SEMA3E: variants seen among roughly 807,000 people sequenced by gnomAD.
The protein encoded by SEMA3E is semaphorin-3E.
SEMA3E carries 49 observed loss-of-function variants against 93.6 expected under a neutral mutation model. The observed-to-expected ratio is 0.52, with a 90% confidence interval of 0.42 to 0.66. The LOEUF (loss-of-function observed/expected upper bound fraction) is 0.66. Among genes scored for constraint, SEMA3E ranks in the 30% least tolerant of loss-of-function variants. The pLI is 0.00. For synonymous variants in SEMA3E, 363 were observed against 330.7 expected (o/e 1.10, Z -1.06); for missense variants, 906 against 964.8 (o/e 0.94, Z 0.81).
Position 83,648,539 on chromosome 7 carries a change from C to T in SEMA3E, c.4G>A (p.Ala2Thr). The T allele has an allele frequency of 6.2e-7, 1 of 1,612,364 alleles. No individual in the cohort carries two copies. The highest frequency in any genetic ancestry group is 8.5e-7 in the Non-Finnish European group (1 of 1,178,788). ...AAGGTGATAATGTGCCCCGCGGATG[C>T]CATGCTGCCGTGTTCACCGTCCAAG... MASAGHIITLLL... is the reference protein window; with the variant it reads MTSAGHIITLLL... Residue 2 changes from alanine (A) to threonine (T), a missense_variant, in exon 1 of 17, where the codon GCA (alanine) becomes ACA (threonine). Physicochemically the swap from Ala to Thr is moderately conservative, Grantham distance 58. Coordinates refer to ENST00000643230, the MANE Select transcript of SEMA3E (RefSeq NM_012431.3).
intron 14 of SEMA3E, among the ~76,000 whole-genome samples, chr7:83,388,461 G>A (rs1787928875): frequency 6.6e-6 from 1 of 151,372 alleles, no homozygotes; most frequent in South Asian, 2.1e-4. Flanking sequence ...CTAAAATCAA[G>A]AACTCTGGCA....
chr7:83,535,138 A>C (rs544348218), intron 1 of SEMA3E, among the ~76,000 whole-genome samples: 1 of 152,288 alleles, frequency 6.6e-6, no homozygotes, highest in South Asian at 2.1e-4. Context: ...TTGAGTGTGA[A>C]TCTGCTGGAA....
intron 4 of SEMA3E, among the ~76,000 whole-genome samples, chr7:83,448,811 G>C (rs781378698): frequency 7.9e-5 from 12 of 152,104 alleles, no homozygotes; most frequent in Admixed American, 2.0e-4. Flanking sequence ...AATGTGAAAA[G>C]TGATGAACTA....
Position 83,551,938 on chromosome 7 carries a change from G to A in SEMA3E, c.116-61664C>T, listed in dbSNP as rs186797260. ...AACCTCAGTGTTGCCACTATTAGAC[G>A]CACTCTAACATCTACACATTATATT... On this transcript the variant is annotated intron_variant, in intron 1 of 16. Transcript: ENST00000643230. 7.6e-4 allele frequency among the ~76,000 whole-genome samples: 116 copies of A among 152,010 alleles called. 1 individual carries two copies. Among genetic ancestry groups the A allele is most frequent in the Non-Finnish European group, 1.4e-3 (92 of 67,974 alleles).
chr7:83,621,631 G>A (rs971364331), intron 1 of SEMA3E, among the ~76,000 whole-genome samples: 5 of 152,132 alleles, frequency 3.3e-5, no homozygotes, highest in African/African-American at 7.2e-5. Flanking sequence ...CATGGTACTG[G>A]TACAAAAACA....
At chr7:83,607,727 G>A (rs1793156825) in intron 1 of SEMA3E, among the ~76,000 whole-genome samples, 1 of 152,104 alleles carries the variant, frequency 6.6e-6, no homozygotes, top group Non-Finnish European at 1.5e-5. Flanking sequence ...GAGAAGGAAG[G>A]AAGACAAAAG....
At chr7:83,537,741 A>G (rs544338692) in intron 1 of SEMA3E, among the ~76,000 whole-genome samples, 87 of 152,318 alleles carry the variant, frequency 5.7e-4, no homozygotes, top group Middle Eastern at 6.8e-3. Flanking sequence ...ACAATTAAAT[A>G]GTTTTCAGTA....
intron 12 of SEMA3E, among the ~76,000 whole-genome samples, 157 bp downstream of exon 12, chr7:83,396,481 A>G (rs906761185): frequency 6.6e-6 from 1 of 152,264 alleles, no homozygotes; most frequent in East Asian, 1.9e-4. Flanking sequence ...ACAATCAAAC[A>G]GATGCATTAG....
At chr7:83,587,018 A>G (rs1209939643) in intron 1 of SEMA3E, among the ~76,000 whole-genome samples, 1 of 152,168 alleles carries the variant, frequency 6.6e-6, no homozygotes, top group Non-Finnish European at 1.5e-5. Context: ...TAGAATAGAT[A>G]TATATCTGAG....
intron 1 of SEMA3E, among the ~76,000 whole-genome samples, chr7:83,496,685 T>C (rs1790497077): frequency 6.6e-6 from 1 of 152,100 alleles, no homozygotes; most frequent in Non-Finnish European, 1.5e-5. Flanking sequence ...CCTTAAGAAT[T>C]TTTCCTTTCT....
chr7:83,569,762 A>T (rs1317811277), intron 1 of SEMA3E, among the ~76,000 whole-genome samples: 1 of 152,230 alleles, frequency 6.6e-6, no homozygotes, highest in Non-Finnish European at 1.5e-5. Context: ...TGACAGCCAC[A>T]CAATAATAGT....
chr7:83,509,321 A>G (rs376937995), intron 1 of SEMA3E, among the ~76,000 whole-genome samples: 123 of 152,314 alleles, frequency 8.1e-4, no homozygotes, highest in Middle Eastern at 6.8e-3. Flanking sequence ...ATGAAGGTTG[A>G]TCCAAATGCA....
intron 4 of SEMA3E, among the ~76,000 whole-genome samples, chr7:83,441,824 C>T (rs1398607778): frequency 6.6e-6 from 1 of 152,118 alleles, no homozygotes; most frequent in Non-Finnish European, 1.5e-5. Flanking sequence ...GTTTGGATTG[C>T]GTCCTTCCAG....
At chr7:83,451,709 T>C (rs1431260307) in intron 4 of SEMA3E, among the ~76,000 whole-genome samples, 1 of 152,222 alleles carries the variant, frequency 6.6e-6, no homozygotes, top group Non-Finnish European at 1.5e-5. Flanking sequence ...TCCAACTACT[T>C]AGCACCAACT....
chr7:83,625,533 T>G (rs1328604683), intron 1 of SEMA3E, among the ~76,000 whole-genome samples: 1 of 152,126 alleles, frequency 6.6e-6, no homozygotes, highest in Non-Finnish European at 1.5e-5. Context: ...ATAGGAATGT[T>G]TGTGATTTTT....
chr7:83,566,169 T>C (rs1792149166), intron 1 of SEMA3E, among the ~76,000 whole-genome samples: 1 of 151,244 alleles, frequency 6.6e-6, no homozygotes, highest in African/African-American at 2.4e-5. Context: ...GGCTATTTTT[T>C]TTTTTTTTTT....
At chr7:83,463,814 A>C (rs576581381) in intron 4 of SEMA3E, among the ~76,000 whole-genome samples, 1 of 152,092 alleles carries the variant, frequency 6.6e-6, no homozygotes, top group Non-Finnish European at 1.5e-5. Flanking sequence ...ACTACTCCTC[A>C]GGGATTATTC....
At chr7:83,488,934 G>A (rs1430448110) in intron 2 of SEMA3E, among the ~76,000 whole-genome samples, 1 of 151,994 alleles carries the variant, frequency 6.6e-6, no homozygotes, top group African/African-American at 2.4e-5. Context: ...GAAAAAATGG[G>A]GTAATGTTTA....
At chr7:83,599,964 G>C (rs1342249567) in intron 1 of SEMA3E, among the ~76,000 whole-genome samples, 1 of 152,074 alleles carries the variant, frequency 6.6e-6, no homozygotes, top group Non-Finnish European at 1.5e-5. Flanking sequence ...ACATTTAAAA[G>C]TAACAGATTT....
Sources: gnomAD v4.1 joint callset for allele counts (sites outside exome capture counted in the v4.1 genomes callset) on GRCh38, gnomAD v4.1.1 for gene constraint, MANE v1.5 for transcripts, NCBI Gene and HGNC (gene_info 2026-07-23, HGNC 2026-07-21) for gene names.